The following FBXL7 variants were observed in gnomAD, a reference collection of about 807,000 sequenced individuals.
The protein encoded by FBXL7 is F-box and leucine rich repeat protein 7, also known as F-box/LRR-repeat protein 7.
In FBXL7, 12 loss-of-function variants were observed where a neutral mutation model predicts 38.3. The ratio of observed to expected loss-of-function variants is 0.31; its 90% CI spans 0.20 to 0.51. The LOEUF (loss-of-function observed/expected upper bound fraction) is 0.51, where lower values mean the gene tolerates loss of function less well. FBXL7 is among the 20% of genes least tolerant of loss of function. The probability of loss-of-function intolerance (pLI) is 0.98; values close to 1 mark genes in which losing one functional copy is unlikely to be tolerated. For missense variants in FBXL7, 567 were observed against 676.4 expected (o/e 0.84, Z 1.79); for synonymous variants, 297 against 300.9 (o/e 0.99, Z 0.13).
At chr5:15,765,301 C>T (rs1279918136) in intron 2 of FBXL7, among the ~76,000 whole-genome samples, 3 of 152,080 alleles carry the variant, frequency 2.0e-5, no homozygotes, top group Admixed American at 2.0e-4. Context: ...GGATGACATT[C>T]ACAAATGTTA....
chr5:15,817,956 C>T lies in FBXL7; in HGVS notation c.128-109934C>T, dbSNP rs375309654. On this transcript the variant is annotated intron_variant, in intron 2 of 3. Transcript: ENST00000504595. ...TTCCATACAAGATAGAGTCACCTAG[C>T]GCTTAGGAGGCATGAAGTGAGTCTG... Among the ~76,000 whole-genome samples, 6 of 152,218 alleles carry T rather than the reference C, an allele frequency of 3.9e-5. No individual in the cohort carries two copies. In the South Asian group the frequency reaches 6.2e-4, roughly 16 times the overall value.
At chr5:15,736,299 A>T (rs1331346252) in intron 2 of FBXL7, among the ~76,000 whole-genome samples, 1 of 152,232 alleles carries the variant, frequency 6.6e-6, no homozygotes, top group African/African-American at 2.4e-5. Context: ...TTAAACAGCA[A>T]TCATAAATTT....
chr5:15,594,569 G>T (rs1317397530), intron 1 of FBXL7, among the ~76,000 whole-genome samples: 1 of 152,080 alleles, frequency 6.6e-6, no homozygotes, highest in East Asian at 1.9e-4. Context: ...GGATGGAGGT[G>T]GGAGATAGTG....
chr5:15,927,139 G>C (rs1741895960), intron 2 of FBXL7, among the ~76,000 whole-genome samples: 4 of 151,934 alleles, frequency 2.6e-5, no homozygotes, highest in Admixed American at 2.6e-4. Context: ...GTCTAGACAG[G>C]GACTAGTCCA....
At chr5:15,900,446 A>C in intron 2 of FBXL7, among the ~76,000 whole-genome samples, 1 of 152,318 alleles carries the variant, frequency 6.6e-6, no homozygotes, top group East Asian at 1.9e-4. Context: ...CCACTAGCCA[A>C]GCCAGCCATG....
At chr5:15,669,692 A>G (rs1243056345) in intron 2 of FBXL7, among the ~76,000 whole-genome samples, 1 of 152,164 alleles carries the variant, frequency 6.6e-6, no homozygotes, top group East Asian at 1.9e-4. Flanking sequence ...CCCATAAGTT[A>G]CTTGAACATC....
At chr5:15,538,289 T>C (rs1229527801) in intron 1 of FBXL7, among the ~76,000 whole-genome samples, 1 of 152,204 alleles carries the variant, frequency 6.6e-6, no homozygotes, top group Non-Finnish European at 1.5e-5. Context: ...AAATTCCTGA[T>C]CCCATTTAAT....
intron 2 of FBXL7, among the ~76,000 whole-genome samples, chr5:15,789,495 C>T (rs1014732496): frequency 6.6e-6 from 1 of 152,172 alleles, no homozygotes; most frequent in African/African-American, 2.4e-5. Flanking sequence ...AAAGGCAAAG[C>T]ACAGACACAG....
chr5:15,877,090 T>A (rs1200229769), intron 2 of FBXL7, among the ~76,000 whole-genome samples: 1 of 152,220 alleles, frequency 6.6e-6, no homozygotes, highest in East Asian at 1.9e-4. Context: ...CATAGCTAGT[T>A]ACTACCAAAG....
intron 2 of FBXL7, among the ~76,000 whole-genome samples, chr5:15,742,766 A>G (rs4395631): frequency 0.56 from 84,492 of 151,972 alleles, 23,717 homozygotes; most frequent in East Asian, 0.74. Flanking sequence ...ATAAAGACAT[A>G]CTCGAGACTG....
intron 1 of FBXL7, among the ~76,000 whole-genome samples, chr5:15,559,501 A>T (rs1738348667): frequency 6.6e-6 from 1 of 152,140 alleles, no homozygotes; most frequent in African/African-American, 2.4e-5. Flanking sequence ...GGCATCAGAG[A>T]ACCGACGTGA....
chr5:15,531,837 C>G (rs955232430), intron 1 of FBXL7, among the ~76,000 whole-genome samples: 4 of 152,308 alleles, frequency 2.6e-5, no homozygotes, highest in African/African-American at 9.6e-5. Context: ...AGGACATGAA[C>G]TATATCCAAT....
chr5:15,732,529 G>T (rs778116997), intron 2 of FBXL7, among the ~76,000 whole-genome samples: 5 of 152,138 alleles, frequency 3.3e-5, no homozygotes, highest in African/African-American at 7.2e-5. Flanking sequence ...AGAAACTCCA[G>T]CATGTGGGAT....
At chr5:15,586,303 C>G (rs1739303241) in intron 1 of FBXL7, among the ~76,000 whole-genome samples, 1 of 124,360 alleles carries the variant, frequency 8.0e-6, no homozygotes, top group Non-Finnish European at 1.7e-5. Flanking sequence ...CTCTCTCTCC[C>G]CCCTCACCTC....
At chr5:15,738,263 G>A (rs1735805621) in intron 2 of FBXL7, among the ~76,000 whole-genome samples, 1 of 152,120 alleles carries the variant, frequency 6.6e-6, no homozygotes, top group South Asian at 2.1e-4. Context: ...TATGAGAAGT[G>A]CTTATGATGA....
intron 1 of FBXL7, among the ~76,000 whole-genome samples, chr5:15,548,593 CA>C (rs1435784900): frequency 6.6e-6 from 1 of 152,036 alleles, no homozygotes; most frequent in Non-Finnish European, 1.5e-5. Context: ...TGGCCACTGT[CA>C]ATAGAGAAAA....
intron 2 of FBXL7, among the ~76,000 whole-genome samples, chr5:15,850,191 A>G (rs1739049760): frequency 6.6e-6 from 1 of 152,236 alleles, no homozygotes; most frequent in African/African-American, 2.4e-5. Flanking sequence ...GGGATGAAAA[A>G]GTTATGGTAA....
At chr5:15,590,005 A>G (rs900610480) in intron 1 of FBXL7, among the ~76,000 whole-genome samples, 28 of 152,164 alleles carry the variant, frequency 1.8e-4, no homozygotes, top group African/African-American at 6.8e-4. Flanking sequence ...TCACCATCCC[A>G]TGTTCCTACC....
chr5:15,713,165 T>G (rs376499557), intron 2 of FBXL7, among the ~76,000 whole-genome samples: 16 of 151,692 alleles, frequency 1.1e-4, no homozygotes, highest in African/African-American at 3.6e-4. Flanking sequence ...GCTGGGGAGG[T>G]CTCACAATCA....
Sources: allele counts gnomAD v4.1 joint callset (sites outside exome capture counted in the v4.1 genomes callset), GRCh38; gene constraint gnomAD v4.1.1; transcripts MANE v1.5; gene names NCBI Gene and HGNC (gene_info 2026-07-23, HGNC 2026-07-21).